Variants in FGGY observed in about 807,000 individuals in gnomAD.
FGGY encodes the protein FGGY carbohydrate kinase domain-containing protein.
A neutral mutation model predicts 71.3 loss-of-function variants in FGGY; 72 were observed. That is an observed-to-expected ratio of 1.01 (90% CI 0.84 to 1.23). The LOEUF (loss-of-function observed/expected upper bound fraction) is 1.23. Ranked by LOEUF, FGGY falls within the 50% of genes most tolerant of loss-of-function variation. The probability of loss-of-function intolerance (pLI) is 0.00; values close to 1 mark genes in which losing one functional copy is unlikely to be tolerated. For missense variants in FGGY, 668 were observed against 682.3 expected (o/e 0.98, Z 0.23); for synonymous variants, 251 against 250.3 (o/e 1.00, Z -0.02).
At chr1:59,710,487 A>G (rs918070991) in intron 14 of FGGY, among the ~76,000 whole-genome samples, 1 of 152,232 alleles carries the variant, frequency 6.6e-6, no homozygotes, top group Non-Finnish European at 1.5e-5. Flanking sequence ...CAGCAAAAGA[A>G]ACTATCATCA....
At chr1:59,559,098 A>G (rs2095743170) in intron 8 of FGGY, among the ~76,000 whole-genome samples, 1 of 152,200 alleles carries the variant, frequency 6.6e-6, no homozygotes, top group Non-Finnish European at 1.5e-5. Context: ...ATCAATTTGT[A>G]CAGTTAACAC....
At chr1:59,442,767 A>G (rs1317062863) in intron 5 of FGGY, among the ~76,000 whole-genome samples, 1 of 152,210 alleles carries the variant, frequency 6.6e-6, no homozygotes, top group Non-Finnish European at 1.5e-5. Flanking sequence ...GATGACAGTC[A>G]TAGCCACCTG....
intron 1 of FGGY, among the ~76,000 whole-genome samples, chr1:59,311,484 C>T (rs978056332): frequency 3.3e-5 from 5 of 151,918 alleles, no homozygotes; most frequent in African/African-American, 1.2e-4. Context: ...TGAGTGAGAA[C>T]ATGCGGTGTT....
chr1:59,450,009 G>T (rs1174245477), intron 5 of FGGY, among the ~76,000 whole-genome samples: 1 of 152,112 alleles, frequency 6.6e-6, no homozygotes, highest in Non-Finnish European at 1.5e-5. Flanking sequence ...ATATAGTTGG[G>T]TTTTATTTTT....
intron 2 of FGGY, among the ~76,000 whole-genome samples, chr1:59,328,798 G>C (rs1276403364): frequency 6.6e-6 from 1 of 151,868 alleles, no homozygotes; most frequent in East Asian, 1.9e-4. Context: ...TTGTGTCTCG[G>C]GGGTAGGGAT....
At chr1:59,666,590 A>G (rs1293944106) in intron 12 of FGGY, among the ~76,000 whole-genome samples, 1 of 152,248 alleles carries the variant, frequency 6.6e-6, no homozygotes. Context: ...AGGATAATGC[A>G]TATTAGGAAG....
intron 10 of FGGY, among the ~76,000 whole-genome samples, chr1:59,634,046 G>T (rs1029445271): frequency 6.6e-6 from 1 of 152,180 alleles, no homozygotes; most frequent in African/African-American, 2.4e-5. Context: ...AGAGGGTATT[G>T]TTCCTCATGG....
intron 9 of FGGY, among the ~76,000 whole-genome samples, chr1:59,618,877 G>A (rs575529470): frequency 6.6e-6 from 1 of 152,160 alleles, no homozygotes; most frequent in African/African-American, 2.4e-5. Flanking sequence ...ATGTAGGTGT[G>A]TCCCCAGCAT....
intron 11 of FGGY, among the ~76,000 whole-genome samples, chr1:59,656,939 C>T (rs1359149855): frequency 3.3e-5 from 5 of 152,170 alleles, no homozygotes; most frequent in Non-Finnish European, 7.4e-5. Context: ...AAAAAATTAT[C>T]CTCCCGTTTC....
intron 5 of FGGY, among the ~76,000 whole-genome samples, chr1:59,426,157 T>C (rs2066332362): frequency 6.6e-6 from 1 of 152,156 alleles, no homozygotes; most frequent in South Asian, 2.1e-4. Context: ...TACCTGAGCT[T>C]CCAGCACCAC....
At position 59,654,218 on chromosome 1, in the gene FGGY, T is replaced by G. The variant is rs57036867; in HGVS notation, c.1222-6001T>G. Among the ~76,000 whole-genome samples the G allele has an allele frequency of 3.5e-3, 540 of 152,342 alleles. 4 individuals are homozygous for G. Among genetic ancestry groups the G allele is most frequent in the African/African-American group, 0.012 (516 of 41,574 alleles). On this transcript the variant is annotated intron_variant, in intron 11 of 15. Coordinates refer to ENST00000303721, the MANE Select transcript of FGGY (RefSeq NM_018291.5). ...TACTGACACCTCTAAATATTTTTGG[T>G]AAGATGTGTCCCCCTTTCTCTTCCA... is the stretch of plus-strand genomic sequence containing the variant.
intron 14 of FGGY, among the ~76,000 whole-genome samples, chr1:59,711,165 A>G (rs945734180): frequency 2.0e-5 from 3 of 152,168 alleles, no homozygotes; most frequent in Non-Finnish European, 4.4e-5. Context: ...ACTGAAAACC[A>G]TCATTCTCAG....
At chr1:59,717,546 AG>A (rs2097854487) in intron 14 of FGGY, among the ~76,000 whole-genome samples, 1 of 152,130 alleles carries the variant, frequency 6.6e-6, no homozygotes, top group Non-Finnish European at 1.5e-5. Flanking sequence ...TTCGATGGAG[AG>A]GCAATCCTGG....
chr1:59,537,750 G>T (rs1268132347), intron 7 of FGGY, among the ~76,000 whole-genome samples: 2 of 152,036 alleles, frequency 1.3e-5, no homozygotes, highest in African/African-American at 4.8e-5. Flanking sequence ...ATGGGGAAAG[G>T]ATTCCCTATT....
intron 8 of FGGY, among the ~76,000 whole-genome samples, chr1:59,562,645 A>G (rs563477265): frequency 6.6e-6 from 1 of 152,326 alleles, no homozygotes; most frequent in South Asian, 2.1e-4. Flanking sequence ...AACGAATGCA[A>G]ACTTTCTTGA....
At chr1:59,335,023 A>G (rs1388694206) in intron 2 of FGGY, among the ~76,000 whole-genome samples, 1 of 152,068 alleles carries the variant, frequency 6.6e-6, no homozygotes, top group Non-Finnish European at 1.5e-5. Context: ...TATATCATGG[A>G]TGTCTTTCCA....
At chr1:59,710,263 G>A (rs905557849) in intron 14 of FGGY, among the ~76,000 whole-genome samples, 3 of 152,112 alleles carry the variant, frequency 2.0e-5, no homozygotes, top group Non-Finnish European at 4.4e-5. Flanking sequence ...ACTGAAACTG[G>A]ACCCCTTCCT....
chr1:59,613,554 T>C (rs954862947), intron 9 of FGGY, among the ~76,000 whole-genome samples: 3 of 152,068 alleles, frequency 2.0e-5, no homozygotes, highest in Admixed American at 6.6e-5. Flanking sequence ...AGGAAAGGTG[T>C]AAAATTGACA....
intron 2 of FGGY, among the ~76,000 whole-genome samples, chr1:59,328,139 G>A (rs1216294858): frequency 6.6e-6 from 1 of 152,192 alleles, no homozygotes; most frequent in African/African-American, 2.4e-5. Flanking sequence ...TTTGAGGCCA[G>A]GCATTGGCTT....
Sources: gnomAD v4.1 joint callset for allele counts (sites outside exome capture counted in the v4.1 genomes callset) on GRCh38, gnomAD v4.1.1 for gene constraint, MANE v1.5 for transcripts, NCBI Gene and HGNC (gene_info 2026-07-23, HGNC 2026-07-21) for gene names.